RBM19: variants seen among roughly 807,000 people sequenced by gnomAD.
RBM19 encodes RNA binding motif protein 19, also known as probable RNA-binding protein 19.
RBM19 carries 94 observed loss-of-function variants against 116.8 expected under a neutral mutation model. That is an observed-to-expected ratio of 0.80 (90% CI 0.68 to 0.95). The LOEUF (loss-of-function observed/expected upper bound fraction) is 0.95. RBM19 is among the 40% of genes least tolerant of loss of function. The probability of loss-of-function intolerance (pLI) is 0.00; values close to 1 mark genes in which losing one functional copy is unlikely to be tolerated. For missense variants in RBM19, 1,161 were observed against 1,220.7 expected (o/e 0.95, Z 0.73); for synonymous variants, 475 against 494.1 (o/e 0.96, Z 0.51).
At chr12:113,821,890 G>A (rs1326606837), downstream of RBM19, among the ~76,000 whole-genome samples, 1 of 152,182 alleles carries the variant, frequency 6.6e-6, no homozygotes, top group Non-Finnish European at 1.5e-5. Context: ...TGCCAGCTCT[G>A]TGTTGCCTTG....
chr12:113,913,207 C>T (rs921211642), intron 21 of RBM19, among the ~76,000 whole-genome samples: 2 of 152,152 alleles, frequency 1.3e-5, no homozygotes, highest in East Asian at 1.9e-4. Context: ...TATTATTTCC[C>T]GATCAACATG....
At chr12:113,935,830 T>C (rs900531294) in intron 16 of RBM19, among the ~76,000 whole-genome samples, 6 of 152,018 alleles carry the variant, frequency 3.9e-5, no homozygotes, top group African/African-American at 1.4e-4. Context: ...GGCCAGGAAT[T>C]CCAGACCAGC....
chr12:113,847,804 G>C (rs1211842761), intron 22 of RBM19, among the ~76,000 whole-genome samples: 1 of 152,170 alleles, frequency 6.6e-6, no homozygotes, highest in Non-Finnish European at 1.5e-5. Context: ...CCGTACCACA[G>C]AAAGCCCAGG....
At position 113,950,129 on chromosome 12, in the gene RBM19, A is replaced by G. The variant is rs748460885; in HGVS notation, c.1026T>C (p.Asn342=). 1 of 1,611,548 alleles carries G rather than the reference A, an allele frequency of 6.2e-7. No individual in the cohort carries two copies. Among genetic ancestry groups the G allele is most frequent in the Non-Finnish European group, 8.5e-7 (1 of 1,177,764 alleles). Residue 342 remains asparagine (N), a synonymous_variant, in exon 9 of 24, where the codon AAT becomes AAC. Coordinates refer to ENST00000261741, the MANE Select transcript of RBM19 (RefSeq NM_016196.4). ...TCAGAGCTTGCTTCACTTCCTCTTC[A>G]TTGCTGAAATCCACAAAGATGTATC... ...KTGYIFVDFS[N]EEEVKQALKC...
chr12:113,922,525 G>C (rs1325767527), intron 18 of RBM19, among the ~76,000 whole-genome samples: 1 of 152,152 alleles, frequency 6.6e-6, no homozygotes, highest in Non-Finnish European at 1.5e-5. Context: ...ATCTGACTGG[G>C]CGCAGTGAGA....
chr12:113,869,982 G>T (rs1331211809), intron 21 of RBM19, among the ~76,000 whole-genome samples: 1 of 152,194 alleles, frequency 6.6e-6, no homozygotes, highest in Non-Finnish European at 1.5e-5. Context: ...TCCCAGGGCT[G>T]CTCCACGTCA....
Position 113,962,421 on chromosome 12 carries a change from C to G in RBM19, c.37-7G>C. 1.9e-6 allele frequency: 3 copies of G among 1,611,620 alleles called. No individual in the cohort carries two copies. The highest frequency in any genetic ancestry group is 2.5e-6 in the Non-Finnish European group (3 of 1,177,840). On this transcript the variant is annotated splice_polypyrimidine_tract_variant and splice_region_variant and intron_variant, in intron 1 of 23. Coordinates refer to ENST00000261741, the MANE Select transcript of RBM19 (RefSeq NM_016196.4). ...TGAAACGCTCCTCCTTCATCTAGGA[C>G]AGAGGGAAAGGAATGAGAGACGAAC...
intron 1 of RBM19, among the ~76,000 whole-genome samples, chr12:113,962,815 C>CA (rs1408378371): frequency 6.6e-6 from 1 of 152,164 alleles, no homozygotes; most frequent in Non-Finnish European, 1.5e-5. Flanking sequence ...AAAGCCCCCC[C>CA]AAAAGATGCC....
rs112733518 is a variant in RBM19, at chr12:113,884,282, CA to C, written c.2559-25387del. Among the ~76,000 whole-genome samples, 385 of 121,230 alleles carry C rather than the reference CA, an allele frequency of 3.2e-3. 1 individual carries two copies. The highest frequency in any genetic ancestry group is 9.2e-3 in the African/African-American group (278 of 30,366). 79.5% of individuals were successfully genotyped at this position (121,230 alleles called of 152,430 possible). The stretch of plus-strand genomic sequence containing the variant: ...TAGGTGACAGACCAAGACAATATCT[CA>C]AAAAAAAAAAAGTATACACACACAC... On this transcript the variant is annotated intron_variant, in intron 21 of 23. Transcript: ENST00000261741.
intron 1 of RBM19, among the ~76,000 whole-genome samples, chr12:113,963,257 A>G (rs1566047656): frequency 6.6e-6 from 1 of 152,170 alleles, no homozygotes. Flanking sequence ...CTAACACACT[A>G]TTATTATAAT....
intron 20 of RBM19, among the ~76,000 whole-genome samples, chr12:113,916,951 T>C (rs1882809453): frequency 2.0e-5 from 3 of 152,238 alleles, no homozygotes; most frequent in African/African-American, 7.2e-5. Flanking sequence ...GATGCAGCAA[T>C]AGATAGCTAA....
At chr12:113,851,942 T>C (rs1187200516) in intron 22 of RBM19, among the ~76,000 whole-genome samples, 2 of 151,844 alleles carry the variant, frequency 1.3e-5, no homozygotes, top group Non-Finnish European at 1.5e-5. Context: ...TCCTAGCTAC[T>C]TGGGAGGCTG....
chr12:113,844,629 G>A, intron 23 of RBM19, 39 bp downstream of exon 23: 11 of 1,580,394 alleles, frequency 7.0e-6, no homozygotes, highest in Non-Finnish European at 9.5e-6. Context: ...GTTCCCCAGG[G>A]GGCCCATGAG....
chr12:113,863,893 A>C (rs1160120583), intron 21 of RBM19, among the ~76,000 whole-genome samples: 1 of 152,234 alleles, frequency 6.6e-6, no homozygotes, highest in Non-Finnish European at 1.5e-5. Flanking sequence ...TCTAACACAC[A>C]TGATGCACAT....
Position 113,940,083 on chromosome 12 carries a change from C to CT in RBM19, c.1814dup (p.Thr606AspfsTer87). The CT allele has an allele frequency of 6.2e-7, 1 of 1,614,062 alleles. No individual in the cohort carries two copies. Among genetic ancestry groups the CT allele is most frequent in the Non-Finnish European group, 8.5e-7 (1 of 1,179,936 alleles). On this transcript the variant is annotated frameshift_variant, in exon 15 of 24. Transcript: ENST00000261741. LOFTEE classifies it high-confidence loss of function. ...CCAGGCTGCCAAAATGGCCGAAGGT[C>CT]TCCTGCAGCTGGGCCGCCAGGGTGC...
intron 8 of RBM19, among the ~76,000 whole-genome samples, chr12:113,951,206 C>T (rs746711101): frequency 6.6e-6 from 1 of 152,098 alleles, no homozygotes; most frequent in Non-Finnish European, 1.5e-5. Flanking sequence ...GCTTAAGGGG[C>T]CCAGCCTGCC....
chr12:113,909,430 C>A (rs115804575), intron 21 of RBM19, among the ~76,000 whole-genome samples: 1 of 152,086 alleles, frequency 6.6e-6, no homozygotes, highest in South Asian at 2.1e-4. Flanking sequence ...GATGGCCATG[C>A]GGGCGATTTT....
chr12:113,931,571 G>A (rs924127247), intron 16 of RBM19, among the ~76,000 whole-genome samples: 5 of 152,072 alleles, frequency 3.3e-5, no homozygotes, highest in Admixed American at 2.6e-4. Context: ...TGTGCCCTCT[G>A]CCCCTCTCCC....
intron 22 of RBM19, among the ~76,000 whole-genome samples, chr12:113,846,757 G>C (rs991117906): frequency 1.3e-5 from 2 of 152,124 alleles, no homozygotes; most frequent in African/African-American, 2.4e-5. Flanking sequence ...CTGTCACCCA[G>C]GCTAGAGTGC....
Sources: gnomAD v4.1 joint callset for allele counts (sites outside exome capture counted in the v4.1 genomes callset) on GRCh38, gnomAD v4.1.1 for gene constraint, MANE v1.5 for transcripts, NCBI Gene and HGNC (gene_info 2026-07-23, HGNC 2026-07-21) for gene names.